The following AFDN variants were observed in gnomAD, a reference collection of about 807,000 sequenced individuals.
AFDN encodes afadin.
In AFDN, 68 loss-of-function variants were observed where a neutral mutation model predicts 216.6. The observed-to-expected ratio is 0.31, with a 90% CI of 0.26 to 0.38. AFDN has a LOEUF of 0.38. Among genes scored for constraint, AFDN ranks in the 10% least tolerant of loss-of-function variants. AFDN has a pLI of 1.00. For synonymous variants in AFDN, 868 were observed against 853.7 expected (o/e 1.02, Z -0.29); for missense variants, 2,136 against 2,342.0 (o/e 0.91, Z 1.82).
At chr6:167,886,132 T>G (rs749329165) in intron 6 of AFDN, among the ~76,000 whole-genome samples, 41 of 152,324 alleles carry the variant, frequency 2.7e-4, no homozygotes, top group Middle Eastern at 3.4e-3. Flanking sequence ...GTATTTGAAT[T>G]TTTTTACAGT....
Position 167,951,423 on chromosome 6 carries a change from C to A in AFDN, c.4069C>A (p.Pro1357Thr), listed in dbSNP as rs1253297580. The A allele has an allele frequency of 7.4e-6, 12 of 1,614,086 alleles. No homozygotes were observed. Among genetic ancestry groups the A allele is most frequent in the Non-Finnish European group, 1.0e-5 (12 of 1,179,978 alleles). The change falls in exon 30 of 34, where the codon CCG becomes ACG. Residue 1357 changes from proline (P) to threonine (T), a missense_variant. Coordinates refer to ENST00000683244, the MANE Select transcript of AFDN (RefSeq NM_001386888.1). This position sits in a 1 kb window ranked among gnomAD's most constrained non-coding sequence, Gnocchi z 7.1. The part of the protein sequence containing the change: ...PGRWKTPAAI[P>T]ATPVAVSQPI... ...CCGTTGGAAAACACCAGCAGCCATA[C>A]CGGCCACCCCTGTGGCCGTCTCCCA...
chr6:167,918,698 G>A (rs1221925323), intron 20 of AFDN, 37 bp from the exon 21 acceptor site: 1 of 1,600,198 alleles, frequency 6.2e-7, no homozygotes, highest in South Asian at 1.1e-5. Flanking sequence ...CAGGCAGTGA[G>A]CATCTCTTTT....
Position 167,962,942 on chromosome 6 carries a change from C to A in AFDN, c.4968+375C>A, listed in dbSNP as rs1797184056. The A allele has an allele frequency of 8.9e-7, 1 of 1,121,380 alleles. No homozygotes were observed. The highest frequency in any genetic ancestry group is 4.0e-5 in the East Asian group (1 of 24,974). 69.5% of individuals were successfully genotyped at this position (1,121,380 alleles called of 1,614,324 possible). A position where few individuals can be genotyped will look rare whatever the true frequency, so the allele number is the denominator to read the frequency against. On this transcript the variant is annotated intron_variant, in intron 31 of 33. Transcript: ENST00000683244. This position sits in a 1 kb window ranked among gnomAD's most constrained non-coding sequence, Gnocchi z 5.2. The stretch of plus-strand genomic sequence containing the variant: ...GTGATTGCTTAAATGGCATGTGGAC[C>A]GTGGGAAGCAGTAGGAGCGTAGTAA...
Position 167,830,933 on chromosome 6 carries a change from C to CTTTTTTTTT in AFDN, c.105+3714_105+3722dup, listed in dbSNP as rs71681602. 6.3e-5 allele frequency among the ~76,000 whole-genome samples: 5 copies of CTTTTTTTTT among 79,336 alleles called. 1 individual carries two copies. The highest frequency in any genetic ancestry group is 2.0e-4 in the African/African-American group (4 of 19,986). 52.0% of individuals were successfully genotyped at this position (79,336 alleles called of 152,430 possible). ...TCATACAACTGAACTATATTTGAAA[C>CTTTTTTTTT]TTTTTTTTTTTTTTTTTTTTTTTTT... is the stretch of plus-strand genomic sequence containing the variant. On this transcript the variant is annotated intron_variant, in intron 1 of 33. Coordinates refer to ENST00000683244, the MANE Select transcript of AFDN (RefSeq NM_001386888.1).
chr6:167,843,119 T>C (rs1457028549), intron 1 of AFDN, among the ~76,000 whole-genome samples: 4 of 152,204 alleles, frequency 2.6e-5, no homozygotes, highest in Non-Finnish European at 4.4e-5. Flanking sequence ...ATTTGACTTA[T>C]TGCTCCAGTA....
At chr6:167,828,276 T>G (rs988921184) in intron 1 of AFDN, among the ~76,000 whole-genome samples, 1 of 152,270 alleles carries the variant, frequency 6.6e-6, no homozygotes, top group Non-Finnish European at 1.5e-5. Context: ...TTTGGCAGAT[T>G]TGAACATTCT....
chr6:167,968,497 G>C (rs1274205922), intron 32 of AFDN: 1 of 152,308 alleles, frequency 6.6e-6, no homozygotes, highest in Non-Finnish European at 1.5e-5. Flanking sequence ...TACTTTTGTG[G>C]CCTGTTTAAT....
Position 167,962,492 on chromosome 6 carries a change from G to C in AFDN, c.4893G>C (p.Ala1631=). Residue 1631 remains alanine, a synonymous_variant, in exon 31 of 34, where the codon GCG becomes GCC. Coordinates refer to ENST00000683244, the MANE Select transcript of AFDN (RefSeq NM_001386888.1). The surrounding 1 kb of genome is among the most constrained non-coding windows in gnomAD (Gnocchi z 5.2). ...QQLEEMRKRE[A]EDRARQEEER... ...TAGAAGAGATGCGCAAGCGGGAAGCGGAAGACCGAGCGAGGCAAGAGGAAG... is the reference window on the plus strand; with the variant it reads ...TAGAAGAGATGCGCAAGCGGGAAGCCGAAGACCGAGCGAGGCAAGAGGAAG... The C allele has an allele frequency of 6.2e-7, 1 of 1,613,796 alleles. No individual in the cohort carries two copies. Among genetic ancestry groups the C allele is most frequent in the South Asian group, 1.1e-5 (1 of 91,066 alleles).
intron 1 of AFDN, among the ~76,000 whole-genome samples, chr6:167,845,045 A>G (rs1781508200): frequency 6.6e-6 from 1 of 151,918 alleles, no homozygotes. Flanking sequence ...AAATTTGTAT[A>G]AAGATGTGGT....
intron 18 of AFDN, 28 bp from the exon 19 acceptor site, chr6:167,915,140 C>A (rs911041000): frequency 1.9e-6 from 3 of 1,610,476 alleles, no homozygotes; most frequent in African/African-American, 2.7e-5. Flanking sequence ...CATTTTGCTC[C>A]TCTTGTCCTC....
intron 5 of AFDN, among the ~76,000 whole-genome samples, chr6:167,875,696 A>G (rs754220249): frequency 3.9e-5 from 6 of 152,062 alleles, no homozygotes; most frequent in Non-Finnish European, 5.9e-5. Context: ...GTTTAGTTTC[A>G]TACTTTTACC....
Position 167,965,757 on chromosome 6 carries a change from A to T in AFDN, c.4969A>T (p.Arg1657Trp). The T allele has an allele frequency of 6.5e-7, 1 of 1,533,740 alleles. No individual in the cohort carries two copies. Residue 1657 changes from arginine to tryptophan, a missense_variant and splice_region_variant, in exon 32 of 34, where the codon AGG (arginine) becomes TGG (tryptophan). This residue lies in a region of AFDN where 981 missense variants were observed against 966.0 expected (regional missense o/e 1.02). Coordinates refer to ENST00000683244, the MANE Select transcript of AFDN (RefSeq NM_001386888.1). Reference protein sequence around the residue: ...ERTKRDAEEKRRQEEGYYSRL... With the variant: ...ERTKRDAEEKWRQEEGYYSRL... ...CACTCTTGTCTATTCCCGCCCGCAGAGGCGACAGGAAGAAGGGTATTACAG... is the reference window on the plus strand; with the variant it reads ...CACTCTTGTCTATTCCCGCCCGCAGTGGCGACAGGAAGAAGGGTATTACAG...
At chr6:167,865,277 A>C (rs36091703) in intron 2 of AFDN, among the ~76,000 whole-genome samples, 81,402 of 151,874 alleles carry the variant, frequency 0.54, 22,588 homozygotes, top group African/African-American at 0.62. Context: ...AACATTAGAA[A>C]TTTCTGAAAA....
chr6:167,944,731 A>G (rs1474476966), intron 26 of AFDN, among the ~76,000 whole-genome samples: 1 of 152,136 alleles, frequency 6.6e-6, no homozygotes, highest in Non-Finnish European at 1.5e-5. Context: ...TGAATACTGC[A>G]GGCAACTGTA....
At chr6:167,905,479 C>G (rs1789546805) in intron 12 of AFDN, among the ~76,000 whole-genome samples, 1 of 152,126 alleles carries the variant, frequency 6.6e-6, no homozygotes, top group Non-Finnish European at 1.5e-5. Flanking sequence ...AATCCGTCAT[C>G]CACAATTTAT....
intron 6 of AFDN, among the ~76,000 whole-genome samples, chr6:167,883,490 C>T (rs997550852): frequency 6.6e-6 from 1 of 152,176 alleles, no homozygotes; most frequent in African/African-American, 2.4e-5. Context: ...TACTAGTTGA[C>T]CTGGAGGTAT....
Position 167,914,758 on chromosome 6 carries a change from G to A in AFDN, c.2299+20G>A, listed in dbSNP as rs770519282. On this transcript the variant is annotated intron_variant, in intron 18 of 33. Coordinates refer to ENST00000683244, the MANE Select transcript of AFDN (RefSeq NM_001386888.1). ...AAATAGGTTAGGATGTTTTCTGACT[G>A]TCTCCCTCTATCCCGCTTCCTTCAC... is the stretch of plus-strand genomic sequence containing the variant. 6.6e-7 allele frequency: 1 copy of A among 1,511,380 alleles called. No homozygotes were observed. Among genetic ancestry groups the A allele is most frequent in the South Asian group, 1.1e-5 (1 of 88,900 alleles). The allele number at this position is 1,511,380 out of a possible 1,614,324, so 93.6% of individuals were successfully genotyped here.
rs534487059 is a variant in AFDN at position 167,920,815 on chromosome 6, C to T, written c.2908+1882C>T. On this transcript the variant is annotated intron_variant, in intron 21 of 33. Transcript: ENST00000683244. ...CTGCTCCTGCTGTTGAACTTACACACTTACTTATTTTCTTAATTCTAATCA... is the reference window on the plus strand; with the variant it reads ...CTGCTCCTGCTGTTGAACTTACACATTTACTTATTTTCTTAATTCTAATCA... Among the ~76,000 whole-genome samples the T allele has an allele frequency of 5.9e-5, 9 of 152,320 alleles. No homozygotes were observed. The East Asian group carries it at 1.5e-3, about 26-fold the overall frequency.
intron 21 of AFDN, among the ~76,000 whole-genome samples, chr6:167,921,569 A>G (rs1791809205): frequency 6.6e-6 from 1 of 152,180 alleles, no homozygotes; most frequent in South Asian, 2.1e-4. Context: ...AGACTGTACG[A>G]CCAGCCTGGA....
Sources: allele counts gnomAD v4.1 joint callset (sites outside exome capture counted in the v4.1 genomes callset), GRCh38; gene constraint gnomAD v4.1.1; regional missense constraint gnomAD v4.1.1; non-coding constraint Gnocchi (gnomAD v3.1); transcripts MANE v1.5; gene names NCBI Gene and HGNC (gene_info 2026-07-23, HGNC 2026-07-21).